PIK3CD: variants seen among roughly 807,000 people sequenced by gnomAD.
PIK3CD encodes phosphatidylinositol-4,5-bisphosphate 3-kinase catalytic subunit delta.
In PIK3CD, 20 loss-of-function variants were observed where a neutral mutation model predicts 122.9. The ratio of observed to expected loss-of-function variants is 0.16; its 90% CI spans 0.11 to 0.24. PIK3CD has a LOEUF of 0.24. Among genes scored for constraint, PIK3CD ranks in the 10% least tolerant of loss-of-function variants. PIK3CD has a pLI of 1.00. For synonymous variants in PIK3CD, 596 were observed against 593.4 expected (o/e 1.00, Z -0.06); for missense variants, 787 against 1,406.3 (o/e 0.56, Z 7.04).
the PIK3CD span, among the ~76,000 whole-genome samples, chr1:9,642,003 A>C: frequency 4.6e-5 from 7 of 152,280 alleles, no homozygotes; most frequent in Non-Finnish European, 7.3e-5. Flanking sequence ...CTTCACACAC[A>C]TTCACACCTA....
the PIK3CD span, among the ~76,000 whole-genome samples, chr1:9,643,693 A>G: frequency 1.3e-5 from 2 of 152,162 alleles, no homozygotes; most frequent in African/African-American, 2.4e-5. Context: ...TCCCAACAGC[A>G]GTTCTGAAAG....
intron 1 of PIK3CD, among the ~76,000 whole-genome samples, chr1:9,687,119 TTCCATTGCTGATGGGGA>T (rs1040060070): frequency 5.9e-5 from 9 of 152,206 alleles, no homozygotes; most frequent in African/African-American, 2.2e-4. Flanking sequence ...GATCATTGGG[TTCCATTGCTGATGGGGA>T]CCTTGTGTTT....
In PIK3CD at chr1:9,727,432, C is replaced by G. The variant is rs1032580083; in HGVS notation, c.*386C>G. 7 of 410,446 alleles carry G rather than the reference C, an allele frequency of 1.7e-5. No individual in the cohort carries two copies. Among genetic ancestry groups the G allele is most frequent in the Non-Finnish European group, 3.2e-5 (7 of 217,038 alleles). The allele number at this position is 410,446 out of a possible 1,614,324, so 25.4% of individuals were successfully genotyped here. On this transcript the variant is annotated 3_prime_UTR_variant, in exon 24 of 24. Coordinates refer to ENST00000377346, the MANE Select transcript of PIK3CD (RefSeq NM_005026.5). ...GCGCCTGGCGGTCACCTGGTGCCTA[C>G]TGTCCGACAGGATGCCTTGATCCTC...
intron 2 of PIK3CD, among the ~76,000 whole-genome samples, chr1:9,693,213 T>A (rs1444290778): frequency 1.3e-5 from 2 of 152,062 alleles, no homozygotes; most frequent in African/African-American, 4.8e-5. Flanking sequence ...TAGCTTTTAT[T>A]TATTATTTAT....
intron 1 of PIK3CD, chr1:9,653,360 T>C: frequency 5.4e-6 from 1 of 186,692 alleles, no homozygotes; most frequent in South Asian, 9.2e-5. Context: ...TGGTGTTGTC[T>C]TCATTTTACA....
rs114878733 is a variant in PIK3CD, at chr1:9,668,236, C to G, written c.-138+16434C>G. On this transcript the variant is annotated intron_variant, in intron 1 of 23. Coordinates refer to ENST00000377346, the MANE Select transcript of PIK3CD (RefSeq NM_005026.5). ...CATGAACTCTAGTGGTGGGCAGATTCAGATTCAAACCGTAGCTCTTCCACT... is the reference window on the plus strand; with the variant it reads ...CATGAACTCTAGTGGTGGGCAGATTGAGATTCAAACCGTAGCTCTTCCACT... Among the ~76,000 whole-genome samples the G allele has an allele frequency of 3.4e-3, 523 of 152,108 alleles. 1 individual carries two copies. Among genetic ancestry groups the G allele is most frequent in the African/African-American group, 0.012 (489 of 41,498 alleles).
At chr1:9,657,954 T>C (rs1177209887) in intron 1 of PIK3CD, among the ~76,000 whole-genome samples, 1 of 152,000 alleles carries the variant, frequency 6.6e-6, no homozygotes, top group African/African-American at 2.4e-5. Context: ...TCCAGGGCTC[T>C]CTGGAAGGGC....
At chr1:9,649,804 C>T (rs1644639565), upstream of PIK3CD, among the ~76,000 whole-genome samples, 1 of 152,184 alleles carries the variant, frequency 6.6e-6, no homozygotes, top group Non-Finnish European at 1.5e-5. Flanking sequence ...GCTCACCCAC[C>T]ACCCCCATAC....
intron 1 of PIK3CD, among the ~76,000 whole-genome samples, chr1:9,680,044 C>T (rs1270831532): frequency 6.6e-6 from 1 of 152,070 alleles, no homozygotes; most frequent in African/African-American, 2.4e-5. Context: ...AGCCTGGTCT[C>T]GAACTCTTAA....
chr1:9,707,191 C>CA (rs546615679), intron 2 of PIK3CD, among the ~76,000 whole-genome samples: 180 of 152,070 alleles, frequency 1.2e-3, no homozygotes, highest in Non-Finnish European at 3.2e-4. Context: ...TCTTGGGCAA[C>CA]ACTCAGCACT....
At chr1:9,668,994 A>G (rs906020131) in intron 1 of PIK3CD, among the ~76,000 whole-genome samples, 1 of 152,004 alleles carries the variant, frequency 6.6e-6, no homozygotes, top group Non-Finnish European at 1.5e-5. Flanking sequence ...CAAGTCCAGA[A>G]TTTGTCTTGG....
the PIK3CD span, among the ~76,000 whole-genome samples, chr1:9,627,327 A>G: frequency 2.0e-5 from 3 of 152,228 alleles, no homozygotes; most frequent in African/African-American, 7.2e-5. Context: ...TGCCTCCTGC[A>G]GGGGTGGCGG....
chr1:9,725,053 G>A, intron 23 of PIK3CD, 117 bp downstream of exon 23: 2 of 1,294,040 alleles, frequency 1.5e-6, no homozygotes, highest in Non-Finnish European at 2.2e-6. Flanking sequence ...AGCTGTGTGT[G>A]CCTCATGCCG....
rs748275524 is a variant in PIK3CD, at chr1:9,724,320, C to T, written c.2763C>T (p.Thr921=). ...GCCACTTTCTGGGGAATTTCAAGAC[C>T]AAGTTTGGAATCAACCGCGAGCGTG... The part of the protein sequence containing the change: ...DFGHFLGNFK[T]KFGINRERVP... Residue 921 remains threonine, a synonymous_variant, in exon 22 of 24, where the codon ACC becomes ACT. Transcript: ENST00000377346. The surrounding 1 kb of genome is among the most constrained non-coding windows in gnomAD (Gnocchi z 7.3). The T allele has an allele frequency of 1.6e-5, 26 of 1,614,080 alleles. No individual in the cohort carries two copies. Among genetic ancestry groups the T allele is most frequent in the Admixed American group, 1.3e-4 (8 of 60,008 alleles).
chr1:9,674,692 CAAAAA>C lies in PIK3CD; in HGVS notation c.-137-16761_-137-16757del, dbSNP rs35463378. On this transcript the variant is annotated intron_variant, in intron 1 of 23. Transcript: ENST00000377346. ...TGGGCGACAGAGCGAGACTCCGTCT[CAAAAA>C]AAAAAAAAAAAAAGAAACAAAAAGA... Among the ~76,000 whole-genome samples, 14 of 58,236 alleles carry C rather than the reference CAAAAA, an allele frequency of 2.4e-4. No homozygotes were observed. The East Asian group carries it at 6.3e-3, about 26-fold the overall frequency. The allele number at this position is 58,236 out of a possible 152,430, so 38.2% of individuals were successfully genotyped here. A position where few individuals can be genotyped will look rare whatever the true frequency, so the allele number is the denominator to read the frequency against.
In PIK3CD at chr1:9,717,029, C is replaced by T; in HGVS notation, c.851C>T (p.Ala284Val). Residue 284 changes from alanine to valine, a missense_variant, in exon 7 of 24, where the codon GCC becomes GTC. Coordinates refer to ENST00000377346, the MANE Select transcript of PIK3CD (RefSeq NM_005026.5). The surrounding 1 kb of genome is among the most constrained non-coding windows in gnomAD (Gnocchi z 5.4). Reference protein sequence around the residue: ...LTMVHSSSILAMRDEQSNPAP... With the variant: ...LTMVHSSSILVMRDEQSNPAP... ...ATGGTCCATTCCTCCTCCATCCTCG[C>T]CATGCGGGATGAGCAGAGCAACCCT... 1 of 1,613,890 alleles carries T rather than the reference C, an allele frequency of 6.2e-7. No homozygotes were observed. Among genetic ancestry groups the T allele is most frequent in the South Asian group, 1.1e-5 (1 of 91,088 alleles).
In PIK3CD at chr1:9,671,539, T is replaced by A. The variant is rs140328664; in HGVS notation, c.-138+19737T>A. On this transcript the variant is annotated intron_variant, in intron 1 of 23. Coordinates refer to ENST00000377346, the MANE Select transcript of PIK3CD (RefSeq NM_005026.5). The stretch of plus-strand genomic sequence containing the variant: ...GTGTTCCTGTCATGAGTTCTTGAGG[T>A]TTGCAGGGTGTAGTAAGCTTTATTC... Among the ~76,000 whole-genome samples the A allele has an allele frequency of 7.9e-3, 1,199 of 152,218 alleles. 36 individuals are homozygous for A. The highest frequency in any genetic ancestry group is 0.049 in the Admixed American group (751 of 15,288).
intron 1 of PIK3CD, among the ~76,000 whole-genome samples, chr1:9,677,477 C>G (rs751117946): frequency 5.9e-5 from 9 of 151,708 alleles, no homozygotes; most frequent in Non-Finnish European, 8.8e-5. Context: ...GAAACCCCGT[C>G]TCTACTAAAA....
In PIK3CD at chr1:9,710,560, T is replaced by G. The variant is rs1311974494; in HGVS notation, c.105T>G (p.Pro35=). The G allele has an allele frequency of 6.2e-7, 1 of 1,614,092 alleles. No homozygotes were observed. Among genetic ancestry groups the G allele is most frequent in the Non-Finnish European group, 8.5e-7 (1 of 1,180,032 alleles). Reference sequence around the variant, plus strand: ...CCACAGGGGTCTACCTGAACTTCCCTGTGTCCCGCAATGCCAACCTCAGCA... The same window carrying G: ...CCACAGGGGTCTACCTGAACTTCCCGGTGTCCCGCAATGCCAACCTCAGCA... ...LLPTGVYLNF[P]VSRNANLSTI... Residue 35 remains proline, a synonymous_variant, in exon 3 of 24, where the codon CCT becomes CCG. Transcript: ENST00000377346. The surrounding 1 kb of genome is among the most constrained non-coding windows in gnomAD (Gnocchi z 4.7).
Sources: gnomAD v4.1 joint callset for allele counts (sites outside exome capture counted in the v4.1 genomes callset) on GRCh38, gnomAD v4.1.1 for gene constraint, Gnocchi (gnomAD v3.1) non-coding constraint, MANE v1.5 for transcripts, NCBI Gene and HGNC (gene_info 2026-07-23, HGNC 2026-07-21) for gene names.